The following KIF2A variants were observed in gnomAD, a reference collection of about 807,000 sequenced individuals.
The protein encoded by KIF2A is kinesin-like protein KIF2A.
A neutral mutation model predicts 100.2 loss-of-function variants in KIF2A; 22 were observed. The observed-to-expected ratio is 0.22, with a 90% confidence interval of 0.16 to 0.31. The LOEUF (loss-of-function observed/expected upper bound fraction) is 0.31. Among genes scored for constraint, KIF2A ranks in the 10% least tolerant of loss-of-function variants. The pLI, the probability that KIF2A is intolerant of heterozygous loss-of-function variation, is 1.00. For missense variants in KIF2A, 495 were observed against 898.7 expected, an observed-to-expected ratio of 0.55 and a Z score of 5.74; for synonymous variants, 268 against 285.9, an observed-to-expected ratio of 0.94 and a Z score of 0.63.
At chr5:62,313,195 G>A (rs1359593276) in intron 1 of KIF2A, among the ~76,000 whole-genome samples, 1 of 152,258 alleles carries the variant, frequency 6.6e-6, no homozygotes, top group South Asian at 2.1e-4. Flanking sequence ...ATGCCATTTT[G>A]TGTGTACATT....
chr5:62,317,634 A>G (rs1303457766), intron 1 of KIF2A, among the ~76,000 whole-genome samples: 3 of 152,238 alleles, frequency 2.0e-5, no homozygotes, highest in East Asian at 1.9e-4. Flanking sequence ...TGGAAGTCAC[A>G]TAATTAATTT....
intron 5 of KIF2A, 89 bp downstream of exon 5, chr5:62,352,799 ACT>A: frequency 1.0e-6 from 1 of 954,910 alleles, no homozygotes; most frequent in Non-Finnish European, 1.5e-6. Context: ...AAGAGTAAAC[ACT>A]CTAAATACAA....
intron 18 of KIF2A, among the ~76,000 whole-genome samples, chr5:62,376,567 ACAC>A (rs780155688): frequency 1.3e-5 from 2 of 151,574 alleles, no homozygotes; most frequent in Non-Finnish European, 2.9e-5. Context: ...TTACAGGCGC[ACAC>A]CACCATGCCC....
chr5:62,366,266 C>T (rs1741063328), intron 15 of KIF2A, 148 bp from the exon 16 acceptor site: 1 of 628,606 alleles, frequency 1.6e-6, no homozygotes, highest in Non-Finnish European at 2.8e-6. Context: ...GATATGATAA[C>T]AAATAATCTT....
At chr5:62,385,430 A>T in intron 20 of KIF2A, 54 bp from the exon 21 acceptor site, 2 of 1,262,902 alleles carry the variant, frequency 1.6e-6, no homozygotes, top group Non-Finnish European at 2.3e-6. Flanking sequence ...AAAGTTGTAA[A>T]CTCTTACTGC....
intron 1 of KIF2A, among the ~76,000 whole-genome samples, chr5:62,335,325 G>A (rs997348742): frequency 3.3e-5 from 5 of 152,160 alleles, no homozygotes; most frequent in African/African-American, 1.2e-4. Flanking sequence ...CCTGCTACCC[G>A]ATCCTGCTCT....
chr5:62,370,184 T>G (rs544590428), intron 16 of KIF2A, among the ~76,000 whole-genome samples: 1 of 152,350 alleles, frequency 6.6e-6, no homozygotes, highest in South Asian at 2.1e-4. Flanking sequence ...AATCATATAC[T>G]TTGAAAGTTT....
At chr5:62,337,988 A>G (rs563084676) in intron 1 of KIF2A, among the ~76,000 whole-genome samples, 81 of 152,290 alleles carry the variant, frequency 5.3e-4, no homozygotes, top group Middle Eastern at 3.4e-3. Flanking sequence ...AGCTGATTCT[A>G]AAGTTTATAC....
chr5:62,310,996 G>A (rs1326169061), intron 1 of KIF2A, among the ~76,000 whole-genome samples: 1 of 152,048 alleles, frequency 6.6e-6, no homozygotes, highest in African/African-American at 2.4e-5. Context: ...CTTTGGGGGC[G>A]GGTCTCTTAG....
chr5:62,315,203 C>CT (rs1178047106), intron 1 of KIF2A, among the ~76,000 whole-genome samples: 1 of 143,828 alleles, frequency 7.0e-6, no homozygotes, highest in African/African-American at 2.6e-5. Context: ...GTTTATAACT[C>CT]TGGCTGCTCA....
At position 62,355,149 on chromosome 5, in the gene KIF2A, C is replaced by T. The variant is rs1748038685; in HGVS notation, c.559-10C>T. 3 of 1,249,424 alleles carry T rather than the reference C, an allele frequency of 2.4e-6. No individual in the cohort carries two copies. The highest frequency in any genetic ancestry group is 2.3e-6 in the Non-Finnish European group (2 of 858,990). 77.4% of individuals were successfully genotyped at this position (1,249,424 alleles called of 1,614,324 possible). On this transcript the variant is annotated splice_polypyrimidine_tract_variant and intron_variant, in intron 6 of 20. Coordinates refer to ENST00000407818, the MANE Select transcript of KIF2A (RefSeq NM_001098511.3). ...ATTTATAATGGTGAATTCTCTCTGTCTTCTAATAGGACGTTGATGCTACAA... is the reference window on the plus strand; with the variant it reads ...ATTTATAATGGTGAATTCTCTCTGTTTTCTAATAGGACGTTGATGCTACAA...
At position 62,320,940 on chromosome 5, in the gene KIF2A, C is replaced by T. The variant is rs114224203; in HGVS notation, c.64+14404C>T. On this transcript the variant is annotated intron_variant, in intron 1 of 20. Coordinates refer to ENST00000407818, the MANE Select transcript of KIF2A (RefSeq NM_001098511.3). ...CCATTAGCAGTCACTCTGCATTCCCCTCTCATTCCGGCCTTTAGTATCTGC... is the reference window on the plus strand; with the variant it reads ...CCATTAGCAGTCACTCTGCATTCCCTTCTCATTCCGGCCTTTAGTATCTGC... 5.2e-3 allele frequency among the ~76,000 whole-genome samples: 791 copies of T among 152,230 alleles called. 9 individuals carry two copies. Among genetic ancestry groups the T allele is most frequent in the African/African-American group, 0.018 (744 of 41,546 alleles).
intron 1 of KIF2A, among the ~76,000 whole-genome samples, chr5:62,322,888 T>C (rs2111814719): frequency 6.9e-6 from 1 of 143,962 alleles, no homozygotes; most frequent in African/African-American, 2.5e-5. Flanking sequence ...TGATCATATT[T>C]TTAATGTTAC....
intron 1 of KIF2A, among the ~76,000 whole-genome samples, chr5:62,346,393 T>C (rs1747570351): frequency 6.6e-6 from 1 of 152,170 alleles, no homozygotes; most frequent in Non-Finnish European, 1.5e-5. Flanking sequence ...GCATCGTATA[T>C]GGTAAAAAGT....
chr5:62,366,915 T>C (rs1335423492), intron 16 of KIF2A, among the ~76,000 whole-genome samples: 1 of 152,208 alleles, frequency 6.6e-6, no homozygotes, highest in Non-Finnish European at 1.5e-5. Flanking sequence ...GTTTTGCATA[T>C]TATTCCTTAA....
intron 19 of KIF2A, among the ~76,000 whole-genome samples, chr5:62,380,460 A>G (rs1427441050): frequency 1.3e-5 from 2 of 152,112 alleles, no homozygotes; most frequent in Non-Finnish European, 2.9e-5. Context: ...CCCATCTTTC[A>G]TGTGTTTGTG....
At chr5:62,351,790 G>A (rs866237892) in intron 4 of KIF2A, among the ~76,000 whole-genome samples, 20 of 152,168 alleles carry the variant, frequency 1.3e-4, no homozygotes, top group Middle Eastern at 3.4e-3. Flanking sequence ...TATAGGGAGG[G>A]TTGAAGCTAA....
At chr5:62,322,278 G>GCC (rs1561250502) in intron 1 of KIF2A, among the ~76,000 whole-genome samples, 1 of 152,166 alleles carries the variant, frequency 6.6e-6, no homozygotes, top group Non-Finnish European at 1.5e-5. Context: ...GGATACTACT[G>GCC]CCATATCTGA....
intron 3 of KIF2A, among the ~76,000 whole-genome samples, chr5:62,349,846 A>C (rs1336891082): frequency 6.6e-6 from 1 of 152,226 alleles, no homozygotes; most frequent in Non-Finnish European, 1.5e-5. Context: ...TGCCTGGCTC[A>C]TATTAATTCC....
Sources: allele counts gnomAD v4.1 joint callset (sites outside exome capture counted in the v4.1 genomes callset), GRCh38; gene constraint gnomAD v4.1.1; transcripts MANE v1.5; gene names NCBI Gene and HGNC (gene_info 2026-07-23, HGNC 2026-07-21).